Variants in KIAA0319 observed in about 807,000 individuals in gnomAD.
KIAA0319 encodes KIAA0319, also known as dyslexia-associated protein KIAA0319.
Under a neutral mutation model 108.4 loss-of-function variants are expected in KIAA0319, and 83 were observed. That is an observed-to-expected ratio of 0.77 (90% CI 0.64 to 0.92). The LOEUF is 0.92. Ranked by LOEUF, KIAA0319 falls within the 40% of genes least tolerant of loss-of-function variation. KIAA0319 has a pLI of 0.00. For synonymous variants in KIAA0319, 484 were observed against 510.4 expected (o/e 0.95, Z 0.70); for missense variants, 1,195 against 1,322.4 (o/e 0.90, Z 1.49).
intron 1 of KIAA0319, among the ~76,000 whole-genome samples, chr6:24,640,104 A>G (rs1430360942): frequency 1.3e-5 from 2 of 152,132 alleles, no homozygotes; most frequent in African/African-American, 4.8e-5. Flanking sequence ...TAATAGTTGT[A>G]TATATTTTGA....
intron 1 of KIAA0319, among the ~76,000 whole-genome samples, chr6:24,619,143 G>A (rs1773570116): frequency 6.6e-6 from 1 of 152,230 alleles, no homozygotes; most frequent in Non-Finnish European, 1.5e-5. Flanking sequence ...GGGGGACAAT[G>A]GGAGGCTGTA....
rs73388273 is a variant in KIAA0319, at chr6:24,576,152, T to C, written c.1734+216A>G. ...GATCTAATTTTCAGCACAGAGCCAA[T>C]TGGTTGCTGTCCTGTGCTTATCTAA... On this transcript the variant is annotated intron_variant, in intron 10 of 20. Transcript: ENST00000378214. Among the ~76,000 whole-genome samples the C allele has an allele frequency of 1.6e-3, 246 of 152,328 alleles. 1 individual carries two copies. The highest frequency in any genetic ancestry group is 5.6e-3 in the African/African-American group (232 of 41,572).
intron 1 of KIAA0319, among the ~76,000 whole-genome samples, chr6:24,645,059 A>C (rs1777442536): frequency 6.6e-6 from 1 of 152,250 alleles, no homozygotes; most frequent in Non-Finnish European, 1.5e-5. Flanking sequence ...AGGAATAAAG[A>C]AATAAATACC....
chr6:24,637,562 G>T (rs889675215), intron 1 of KIAA0319, among the ~76,000 whole-genome samples: 1 of 152,182 alleles, frequency 6.6e-6, no homozygotes, highest in Non-Finnish European at 1.5e-5. Context: ...TGGACTAAGT[G>T]GCTGTTATCA....
At chr6:24,552,116 C>T (rs1472136010) in intron 19 of KIAA0319, among the ~76,000 whole-genome samples, 1 of 151,778 alleles carries the variant, frequency 6.6e-6, no homozygotes, top group South Asian at 2.1e-4. Flanking sequence ...TGCCAAGGCA[C>T]GCAGAGAACA....
At chr6:24,604,496 G>T (rs918934398) in intron 1 of KIAA0319, among the ~76,000 whole-genome samples, 1 of 152,214 alleles carries the variant, frequency 6.6e-6, no homozygotes, top group African/African-American at 2.4e-5. Flanking sequence ...TCTAAGAGAA[G>T]ATACTGCTCT....
chr6:24,544,106 A>T (rs1473705594), downstream of KIAA0319: 1 of 152,268 alleles, frequency 6.6e-6, no homozygotes, highest in Non-Finnish European at 1.5e-5. Context: ...GTGAATGTGG[A>T]TATGTTCCAA....
At chr6:24,552,843 G>T (rs1761700674) in intron 19 of KIAA0319, among the ~76,000 whole-genome samples, 1 of 152,170 alleles carries the variant, frequency 6.6e-6, no homozygotes, top group Admixed American at 6.5e-5. Context: ...GACCTCAAGT[G>T]ATCCACCCAC....
chr6:24,572,446 A>G, intron 11 of KIAA0319, 129 bp downstream of exon 11: 1 of 1,011,878 alleles, frequency 9.9e-7, no homozygotes, highest in Non-Finnish European at 1.4e-6. Context: ...CTTGAAATGA[A>G]ATTAGTTTTA....
At position 24,593,385 on chromosome 6, in the gene KIAA0319, T is replaced by A. The variant is rs565660371; in HGVS notation, c.801+2488A>T. 1.6e-4 allele frequency among the ~76,000 whole-genome samples: 21 copies of A among 133,552 alleles called. 1 individual carries two copies. In the South Asian group the frequency reaches 5.0e-3, roughly 32 times the overall value. The allele number at this position is 133,552 out of a possible 152,430, so 87.6% of individuals were successfully genotyped here. ...ACAATTTCACCTATTTGAATAATTA[T>A]CTTTTTTTTTTTTTTTTTTTTTTTT... On this transcript the variant is annotated intron_variant, in intron 3 of 20. Coordinates refer to ENST00000378214, the MANE Select transcript of KIAA0319 (RefSeq NM_014809.4).
At chr6:24,547,589 C>A (rs1181290124) in intron 20 of KIAA0319, among the ~76,000 whole-genome samples, 1 of 152,178 alleles carries the variant, frequency 6.6e-6, no homozygotes, top group Admixed American at 6.5e-5. Context: ...GATACCGAAC[C>A]TCTCTGAGCT....
intron 1 of KIAA0319, among the ~76,000 whole-genome samples, chr6:24,625,745 T>C (rs943248564): frequency 2.0e-5 from 3 of 152,208 alleles, no homozygotes; most frequent in African/African-American, 7.2e-5. Context: ...CTAAAGTCAA[T>C]TGTATTTCTA....
intron 1 of KIAA0319, among the ~76,000 whole-genome samples, chr6:24,602,052 C>T (rs1049329769): frequency 3.3e-5 from 5 of 150,392 alleles, no homozygotes; most frequent in African/African-American, 1.2e-4. Context: ...GAGTCTTGCA[C>T]TGTCATCCAG....
Position 24,579,924 on chromosome 6 carries a change from C to T in KIAA0319, c.1306G>A (p.Ala436Thr). The change falls in exon 8 of 21, where the codon GCA becomes ACA. Residue 436 changes from alanine (A) to threonine (T), a missense_variant. Transcript: ENST00000378214. ...PARRVNLPPV[A>T]VVSPQLQELT... ...TCTTGCAGTTGGGGAGAAACAACTG[C>T]TACAGGTGGCAGGTTGACTCTTCTG... The T allele has an allele frequency of 6.3e-7, 1 of 1,597,772 alleles. No homozygotes were observed. The highest frequency in any genetic ancestry group is 8.5e-7 in the Non-Finnish European group (1 of 1,171,382).
intron 15 of KIAA0319, 126 bp downstream of exon 15, chr6:24,564,076 G>A: frequency 9.3e-7 from 1 of 1,076,558 alleles, no homozygotes; most frequent in South Asian, 1.5e-5. Flanking sequence ...TCCTCAAAGT[G>A]GGTCCAGCCA....
intron 1 of KIAA0319, among the ~76,000 whole-genome samples, chr6:24,628,815 C>A (rs941330262): frequency 6.6e-6 from 1 of 152,132 alleles, no homozygotes; most frequent in Non-Finnish European, 1.5e-5. Flanking sequence ...TCTATTGTCA[C>A]ATGGAGCTCT....
At chr6:24,611,472 C>A (rs575132685) in intron 1 of KIAA0319, among the ~76,000 whole-genome samples, 2 of 151,836 alleles carry the variant, frequency 1.3e-5, no homozygotes, top group African/African-American at 4.8e-5. Flanking sequence ...GCACTCTAGC[C>A]CGGGCGACAG....
At chr6:24,569,821 G>C in intron 12 of KIAA0319, 82 bp downstream of exon 12, 2 of 1,514,254 alleles carry the variant, frequency 1.3e-6, no homozygotes, top group Admixed American at 3.9e-5. Flanking sequence ...CAAGCTGATT[G>C]TTTACTACAG....
intron 2 of KIAA0319, among the ~76,000 whole-genome samples, chr6:24,600,316 G>T (rs148975757): frequency 9.9e-5 from 15 of 152,234 alleles, no homozygotes; most frequent in Non-Finnish European, 1.5e-4. Context: ...GATGGATGGA[G>T]GGGAGTAAGT....
Sources: allele counts gnomAD v4.1 joint callset (sites outside exome capture counted in the v4.1 genomes callset), GRCh38; gene constraint gnomAD v4.1.1; transcripts MANE v1.5; gene names NCBI Gene and HGNC (gene_info 2026-07-23, HGNC 2026-07-21).